PEAK1: variants seen among roughly 807,000 people sequenced by gnomAD.
The protein encoded by PEAK1 is pseudopodium enriched atypical kinase 1.
Under a neutral mutation model 124.7 loss-of-function variants are expected in PEAK1, and 54 were observed. That is an observed-to-expected ratio of 0.43 (90% CI 0.35 to 0.54). PEAK1 has a LOEUF of 0.54. PEAK1 is among the 20% of genes least tolerant of loss of function. The probability of loss-of-function intolerance (pLI) is 0.01; values close to 1 mark genes in which losing one functional copy is unlikely to be tolerated. For missense variants in PEAK1, 2,046 were observed against 2,134.5 expected, an observed-to-expected ratio of 0.96 and a Z score of 0.82; for synonymous variants, 719 against 760.0, an observed-to-expected ratio of 0.95 and a Z score of 0.89.
chr15:77,211,378 T>C (rs1313471557), intron 6 of PEAK1, among the ~76,000 whole-genome samples: 1 of 152,188 alleles, frequency 6.6e-6, no homozygotes, highest in Non-Finnish European at 1.5e-5. Context: ...TACCATATAA[T>C]ATTAAACATG....
At chr15:77,199,599 C>T (rs930552563) in intron 6 of PEAK1, among the ~76,000 whole-genome samples, 1 of 152,200 alleles carries the variant, frequency 6.6e-6, no homozygotes, top group Non-Finnish European at 1.5e-5. Context: ...TTGTACATGA[C>T]TTCAAGGGAT....
intron 6 of PEAK1, among the ~76,000 whole-genome samples, chr15:77,182,670 T>C (rs2152822699): frequency 7.1e-6 from 1 of 141,110 alleles, no homozygotes; most frequent in South Asian, 2.2e-4. Flanking sequence ...GAGGATTGTT[T>C]GAGCCTGGGA....
At chr15:77,263,525 G>A (rs1049808924) in intron 5 of PEAK1, among the ~76,000 whole-genome samples, 7 of 151,996 alleles carry the variant, frequency 4.6e-5, no homozygotes, top group Non-Finnish European at 8.8e-5. Context: ...TAAATTCCTC[G>A]ACACCTACAC....
intron 8 of PEAK1, among the ~76,000 whole-genome samples, chr15:77,152,540 T>C (rs1226167321): frequency 6.6e-6 from 1 of 152,164 alleles, no homozygotes; most frequent in African/African-American, 2.4e-5. Flanking sequence ...ATAGGAGCGG[T>C]GAGAGAGGGC....
chr15:77,103,310 TA>T (rs2050713708), downstream of PEAK1: 2 of 152,290 alleles, frequency 1.3e-5, no homozygotes, highest in Non-Finnish European at 1.5e-5. Flanking sequence ...CACACCTGGC[TA>T]ATTTTTGTAT....
At chr15:77,273,982 A>C (rs2062173616) in intron 5 of PEAK1, among the ~76,000 whole-genome samples, 2 of 152,326 alleles carry the variant, frequency 1.3e-5, no homozygotes, top group Admixed American at 6.5e-5. Context: ...AGAAATACTT[A>C]CAGTCAACTG....
At position 77,296,211 on chromosome 15, in the gene PEAK1, G is replaced by A. The variant is rs530477311; in HGVS notation, c.-602-9707C>T. On this transcript the variant is annotated intron_variant, in intron 2 of 9. Transcript: ENST00000682557. ...AGGTAAGGATGCCTTATCTTCTTTG[G>A]CTCATGAATTACCCTTACCTAAAAT... is the stretch of plus-strand genomic sequence containing the variant. Among the ~76,000 whole-genome samples the A allele has an allele frequency of 1.8e-4, 27 of 152,260 alleles. No homozygotes were observed. In the South Asian group the frequency reaches 4.8e-3, roughly 27 times the overall value.
chr15:77,415,947 A>C (rs1228818612), intron 1 of PEAK1, among the ~76,000 whole-genome samples: 1 of 151,930 alleles, frequency 6.6e-6, no homozygotes, highest in East Asian at 1.9e-4. Context: ...CTGCTTAAAG[A>C]CTCCTTCAGA....
Position 77,377,023 on chromosome 15 carries a change from T to C in PEAK1, c.-665-11798A>G, listed in dbSNP as rs1026882670. 8.5e-5 allele frequency among the ~76,000 whole-genome samples: 13 copies of C among 152,182 alleles called. 1 individual carries two copies. Among genetic ancestry groups the C allele is most frequent in the African/African-American group, 9.7e-5 (4 of 41,440 alleles). ...TTAAGAGAGCCTATGGCTCCTAGAC[T>C]ACAAACCTGTACAGCATGTTACTAT... On this transcript the variant is annotated intron_variant, in intron 1 of 9. Transcript: ENST00000682557.
Position 77,299,088 on chromosome 15 carries a change from TAA to T in PEAK1, c.-602-12586_-602-12585del, listed in dbSNP as rs1296352361. Among the ~76,000 whole-genome samples, 8 of 152,340 alleles carry T rather than the reference TAA, an allele frequency of 5.3e-5. No individual in the cohort carries two copies. The East Asian group carries it at 7.7e-4, about 15-fold the overall frequency. ...AATAACTACCAAATCTCACCCAATA[TAA>T]AGTTTCCAAGGTTATTTATAAGATT... On this transcript the variant is annotated intron_variant, in intron 2 of 9. Coordinates refer to ENST00000682557, the MANE Select transcript of PEAK1 (RefSeq NM_001385026.1).
intron 5 of PEAK1, among the ~76,000 whole-genome samples, chr15:77,282,503 A>T (rs2062724287): frequency 1.3e-5 from 2 of 152,168 alleles, no homozygotes; most frequent in Admixed American, 1.3e-4. Flanking sequence ...AAGGCCATCC[A>T]CGTGTACAAA....
intron 2 of PEAK1, among the ~76,000 whole-genome samples, chr15:77,295,964 C>A (rs1261529266): frequency 6.6e-6 from 1 of 152,116 alleles, no homozygotes; most frequent in African/African-American, 2.4e-5. Context: ...CGTCAATGTG[C>A]TGATGTTTCT....
chr15:77,278,503 T>A, intron 5 of PEAK1: 1 of 495,446 alleles, frequency 2.0e-6, no homozygotes, highest in Non-Finnish European at 4.1e-6. Context: ...CTAAAGGAGA[T>A]AAAGCCAAAG....
intron 2 of PEAK1, among the ~76,000 whole-genome samples, chr15:77,357,553 C>T (rs1236770981): frequency 1.3e-5 from 2 of 152,114 alleles, no homozygotes; most frequent in African/African-American, 2.4e-5. Context: ...GAATTACAGG[C>T]ATGAGCCAAG....
rs148499293 is a variant in PEAK1, at chr15:77,129,599, C to CTT, written c.4077+3405_4077+3406insAA. 1.4e-3 allele frequency among the ~76,000 whole-genome samples: 182 copies of CTT among 130,036 alleles called. 3 individuals carry two copies. The highest frequency in any genetic ancestry group is 4.1e-3 in the Middle Eastern group (1 of 242). 85.3% of individuals were successfully genotyped at this position (130,036 alleles called of 152,430 possible). ...TACAGGTGCCCGCCACAATGACTGG[C>CTT]TATTTTTTTTTTTTTTTTGTATTTT... On this transcript the variant is annotated intron_variant, in intron 9 of 9. Coordinates refer to ENST00000682557, the MANE Select transcript of PEAK1 (RefSeq NM_001385026.1).
At chr15:77,287,383 T>C (rs1389963633) in intron 2 of PEAK1, among the ~76,000 whole-genome samples, 2 of 152,214 alleles carry the variant, frequency 1.3e-5, no homozygotes, top group Non-Finnish European at 1.5e-5. Context: ...GTAAATGAAA[T>C]GTTTTCCAGC....
intron 9 of PEAK1, among the ~76,000 whole-genome samples, chr15:77,120,348 A>G (rs954173850): frequency 1.1e-4 from 17 of 152,156 alleles, no homozygotes; most frequent in African/African-American, 4.1e-4. Flanking sequence ...TTCTTCCCAT[A>G]TATGTCCTAA....
At chr15:77,346,676 C>T in intron 2 of PEAK1, 1 of 983,674 alleles carries the variant, frequency 1.0e-6, no homozygotes, top group Non-Finnish European at 1.2e-6. Flanking sequence ...ATTGCAAAAA[C>T]ATTAATTGTA....
chr15:77,411,557 T>C (rs2072413524), intron 1 of PEAK1, among the ~76,000 whole-genome samples: 1 of 152,224 alleles, frequency 6.6e-6, no homozygotes. Flanking sequence ...TGACACATAT[T>C]TGAGTTCATA....
Sources: gnomAD v4.1 joint callset for allele counts (sites outside exome capture counted in the v4.1 genomes callset) on GRCh38, gnomAD v4.1.1 for gene constraint, MANE v1.5 for transcripts, NCBI Gene and HGNC (gene_info 2026-07-23, HGNC 2026-07-21) for gene names.